NR4A3: variants seen among roughly 807,000 people sequenced by gnomAD.
NR4A3 encodes chondrosarcoma, extraskeletal myxoid, fused to EWS.
NR4A3 carries 13 observed loss-of-function variants against 55.6 expected under a neutral mutation model. The ratio of observed to expected loss-of-function variants is 0.23; its 90% CI spans 0.15 to 0.37. The LOEUF is 0.37. Ranked by LOEUF, NR4A3 falls within the 10% of genes least tolerant of loss-of-function variation. The probability of loss-of-function intolerance (pLI) is 1.00; values close to 1 mark genes in which losing one functional copy is unlikely to be tolerated. For synonymous variants in NR4A3, 342 were observed against 357.9 expected, an observed-to-expected ratio of 0.96 and a Z score of 0.50; for missense variants, 646 against 822.8, an observed-to-expected ratio of 0.79 and a Z score of 2.63.
intron 7 of NR4A3, among the ~76,000 whole-genome samples, chr9:99,853,321 CTTTT>C (rs71370971): frequency 8.1e-6 from 1 of 123,400 alleles, no homozygotes; most frequent in Non-Finnish European, 1.7e-5. Context: ...TAGGGAATTT[CTTTT>C]TTTTTTTTTT....
intron 2 of NR4A3, chr9:99,826,608 A>T (rs965101560): frequency 2.4e-5 from 15 of 624,070 alleles, no homozygotes; most frequent in Middle Eastern, 5.9e-4. Context: ...CTTTCATTTC[A>T]TCCCAACAAC....
intron 7 of NR4A3, 23 bp downstream of exon 7, chr9:99,847,638 C>A: frequency 6.2e-7 from 1 of 1,608,450 alleles, no homozygotes. Flanking sequence ...TTGCCAAAAC[C>A]GCATCCTCAT....
intron 7 of NR4A3, among the ~76,000 whole-genome samples, chr9:99,852,737 C>T (rs986742118): frequency 2.6e-5 from 4 of 152,100 alleles, no homozygotes; most frequent in Non-Finnish European, 5.9e-5. Flanking sequence ...TATTGAAACA[C>T]GACCTCTAAG....
intron 7 of NR4A3, among the ~76,000 whole-genome samples, chr9:99,856,806 C>T (rs1012241049): frequency 7.2e-5 from 11 of 152,146 alleles, no homozygotes; most frequent in East Asian, 1.9e-4. Flanking sequence ...CCTGCCTAAA[C>T]GGATTCTGCA....
chr9:99,835,356 TAGG>T (rs1827540658), intron 5 of NR4A3, among the ~76,000 whole-genome samples: 1 of 152,204 alleles, frequency 6.6e-6, no homozygotes, highest in African/African-American at 2.4e-5. Flanking sequence ...GAGACAGAAT[TAGG>T]AGCCAAGTAT....
chr9:99,829,663 GTCT>G (rs1359940053), intron 3 of NR4A3, among the ~76,000 whole-genome samples: 2 of 152,110 alleles, frequency 1.3e-5, no homozygotes, highest in Non-Finnish European at 2.9e-5. Flanking sequence ...AGGGACAACT[GTCT>G]TCTTCTATGG....
chr9:99,844,871 C>T (rs1380610546), intron 6 of NR4A3, 23 bp downstream of exon 6: 1 of 1,567,476 alleles, frequency 6.4e-7, no homozygotes, highest in Non-Finnish European at 8.8e-7. Flanking sequence ...ATTTTATCTT[C>T]AGTCTACGTC....
chr9:99,823,073 C>T (rs541625929), intron 1 of NR4A3, among the ~76,000 whole-genome samples: 32 of 152,342 alleles, frequency 2.1e-4, no homozygotes, highest in African/African-American at 7.5e-4. Flanking sequence ...CCGGTTTACA[C>T]TTTTCCCTTA....
In NR4A3 at chr9:99,828,014, G is replaced by C. The variant is rs1255231032; in HGVS notation, c.-2-27G>C. 6.9e-6 allele frequency: 11 copies of C among 1,590,716 alleles called. No homozygotes were observed. The highest frequency in any genetic ancestry group is 9.4e-6 in the Non-Finnish European group (11 of 1,166,950). ...AGAAAACAAGTGTTAACTTGCTTCT[G>C]AGAGACCCTTTTCTCTGTCCCTGCA... On this transcript the variant is annotated intron_variant, in intron 2 of 7. Transcript: ENST00000395097. This position sits in a 1 kb window ranked among gnomAD's most constrained non-coding sequence, Gnocchi z 7.7.
intron 1 of NR4A3, among the ~76,000 whole-genome samples, chr9:99,824,531 C>T (rs1365128025): frequency 6.6e-6 from 1 of 152,204 alleles, no homozygotes; most frequent in Admixed American, 6.5e-5. Context: ...GCAAGGGAAT[C>T]CCCCATTTCC....
chr9:99,864,741 G>A lies in NR4A3; in HGVS notation c.*874G>A, dbSNP rs1233713431. 8.9e-6 allele frequency: 2 copies of A among 223,556 alleles called. No homozygotes were observed. The highest frequency in any genetic ancestry group is 2.2e-5 in the African/African-American group (1 of 44,718). The allele number at this position is 223,556 out of a possible 1,614,324, so 13.8% of individuals were successfully genotyped here. ...AACTGGATTACATGTAACTGTTTTG[G>A]TTGTGTTCTATCAACCCCACCAGAG... On this transcript the variant is annotated 3_prime_UTR_variant, in exon 8 of 8. Transcript: ENST00000395097.
intron 7 of NR4A3, among the ~76,000 whole-genome samples, chr9:99,859,664 C>T (rs568421372): frequency 1.3e-5 from 2 of 152,242 alleles, no homozygotes; most frequent in East Asian, 3.9e-4. Flanking sequence ...ATTGAGCAGT[C>T]GCAACTGGTT....
intron 5 of NR4A3, chr9:99,833,897 G>T: frequency 8.2e-7 from 1 of 1,224,322 alleles, no homozygotes; most frequent in Non-Finnish European, 1.0e-6. Context: ...TATTCAGAGG[G>T]ATTAGACCAT....
In NR4A3 at chr9:99,828,350, A is replaced by G; in HGVS notation, c.308A>G (p.His103Arg). Residue 103 changes from histidine (H) to arginine (R), a missense_variant, in exon 3 of 8, where the codon CAC (histidine) becomes CGC (arginine). Coordinates refer to ENST00000395097, the MANE Select transcript of NR4A3 (RefSeq NM_006981.4). This position sits in a 1 kb window ranked among gnomAD's most constrained non-coding sequence, Gnocchi z 7.7. The stretch of plus-strand genomic sequence containing the variant: ...CATCACCATCACCACCACCACCACC[A>G]CCACCACCACCATCACCAGCAGCAG... ...SYHHHHHHHHHHHHHHQQQHQ... is the reference protein window; with the variant it reads ...SYHHHHHHHHRHHHHHQQQHQ... The G allele has an allele frequency of 6.2e-7, 1 of 1,600,584 alleles. No individual in the cohort carries two copies. The highest frequency in any genetic ancestry group is 8.5e-7 in the Non-Finnish European group (1 of 1,174,196).
At chr9:99,863,585 T>A (rs1370939791) in intron 7 of NR4A3, 35 bp from the exon 8 acceptor site, 1 of 1,596,158 alleles carries the variant, frequency 6.3e-7, no homozygotes, top group Non-Finnish European at 8.5e-7. Context: ...TGTATTTGCC[T>A]CCTAAACTTC....
chr9:99,826,502 TGAC>T (rs1055274768), intron 2 of NR4A3, among the ~76,000 whole-genome samples: 3 of 152,098 alleles, frequency 2.0e-5, no homozygotes, highest in Non-Finnish European at 4.4e-5. Flanking sequence ...CCGGAAAGAA[TGAC>T]AGAAAAGAGT....
intron 5 of NR4A3, among the ~76,000 whole-genome samples, chr9:99,838,737 C>T (rs1438478733): frequency 6.6e-6 from 1 of 152,194 alleles, no homozygotes; most frequent in Non-Finnish European, 1.5e-5. Context: ...AATGCAGATT[C>T]CCAGGCCATA....
intron 7 of NR4A3, among the ~76,000 whole-genome samples, chr9:99,860,178 T>G (rs1827985665): frequency 6.6e-6 from 1 of 151,998 alleles, no homozygotes; most frequent in Non-Finnish European, 1.5e-5. Context: ...ACAGCTTTAG[T>G]ATTTAATATT....
intron 7 of NR4A3, among the ~76,000 whole-genome samples, chr9:99,860,446 G>A (rs773111569): frequency 6.6e-6 from 1 of 151,942 alleles, no homozygotes; most frequent in Non-Finnish European, 1.5e-5. Context: ...TGTTTCCTTT[G>A]GATAAATTCC....
Sources: allele counts gnomAD v4.1 joint callset (sites outside exome capture counted in the v4.1 genomes callset), GRCh38; gene constraint gnomAD v4.1.1; non-coding constraint Gnocchi (gnomAD v3.1); transcripts MANE v1.5; gene names NCBI Gene and HGNC (gene_info 2026-07-23, HGNC 2026-07-21).